Variants in ADCY5 observed in about 807,000 individuals in gnomAD.
ADCY5 encodes the protein adenylate cyclase type 5.
A neutral mutation model predicts 119.7 loss-of-function variants in ADCY5; 30 were observed. The ratio of observed to expected loss-of-function variants is 0.25; its 90% CI spans 0.19 to 0.34. The LOEUF is 0.34. Among genes scored for constraint, ADCY5 ranks in the 10% least tolerant of loss-of-function variants. The pLI, the probability that ADCY5 is intolerant of heterozygous loss-of-function variation, is 1.00. For synonymous variants in ADCY5, 753 were observed against 762.2 expected (o/e 0.99, Z 0.20); for missense variants, 1,324 against 1,775.2 (o/e 0.75, Z 4.57).
Position 123,303,184 on chromosome 3 carries a change from C to G in ADCY5, c.2595G>C (p.Leu865Phe). ...TCNSRDLLGC[L>F]AQEHNISASQ... ...TCGCGCTGATGTTGTGCTCCTGTGC[C>G]AAGCAGCCCAGCAGGTCCCTGGAGT... is the stretch of plus-strand genomic sequence containing the variant. Residue 865 changes from leucine to phenylalanine, a missense_variant, in exon 14 of 21, where the codon TTG becomes TTC. Leu to Phe is a conservative substitution (Grantham distance 22). Transcript: ENST00000462833. The G allele has an allele frequency of 6.2e-7, 1 of 1,613,822 alleles. No homozygotes were observed. Among genetic ancestry groups the G allele is most frequent in the Non-Finnish European group, 8.5e-7 (1 of 1,180,008 alleles).
chr3:123,447,319 T>C (rs1945836563), intron 1 of ADCY5, 93 bp downstream of exon 1: 3 of 1,322,170 alleles, frequency 2.3e-6, no homozygotes, highest in East Asian at 2.6e-5. Context: ...CTTTTCACCA[T>C]TCGAAAGGGT....
rs570817871 is a variant in ADCY5, at chr3:123,368,575, C to T, written c.1135-15994G>A. Among the ~76,000 whole-genome samples, 89 of 152,112 alleles carry T rather than the reference C, an allele frequency of 5.9e-4. 1 individual carries two copies. Among genetic ancestry groups the T allele is most frequent in the East Asian group, 2.5e-3 (13 of 5,174 alleles). On this transcript the variant is annotated intron_variant, in intron 1 of 20. Transcript: ENST00000462833. Reference sequence around the variant, plus strand: ...TGGCACCACTGCACTCCAGGCTGGGCGACAGATCGAGACTGTCTCAAAAAA... The same window carrying T: ...TGGCACCACTGCACTCCAGGCTGGGTGACAGATCGAGACTGTCTCAAAAAA...
At position 123,447,402 on chromosome 3, in the gene ADCY5, C is replaced by G; in HGVS notation, c.1134+10G>C. ...CGCAATCCAGTCCCGGTGGCCAGGT[C>G]GGCCCCTACCTGCTTCAGCAGGAAC... On this transcript the variant is annotated intron_variant, in intron 1 of 20. Transcript: ENST00000462833. 6.5e-7 allele frequency: 1 copy of G among 1,543,068 alleles called. No homozygotes were observed. Among genetic ancestry groups the G allele is most frequent in the Non-Finnish European group, 8.8e-7 (1 of 1,142,284 alleles).
At chr3:123,335,955 G>A (rs1267236801) in intron 3 of ADCY5, among the ~76,000 whole-genome samples, 1 of 152,244 alleles carries the variant, frequency 6.6e-6, no homozygotes, top group Non-Finnish European at 1.5e-5. Flanking sequence ...ATGAGAGGGA[G>A]AGAAGAAAAG....
chr3:123,416,207 C>T (rs932504296), intron 1 of ADCY5: 2 of 1,536,008 alleles, frequency 1.3e-6, no homozygotes, highest in African/African-American at 1.4e-5. Context: ...CATTCTCCTC[C>T]AGGACCTGTC....
chr3:123,377,757 C>A (rs1047190730), intron 1 of ADCY5, among the ~76,000 whole-genome samples: 1 of 152,044 alleles, frequency 6.6e-6, no homozygotes, highest in African/African-American at 2.4e-5. Flanking sequence ...TGGTGAAACC[C>A]TGTCTCTACT....
intron 1 of ADCY5, among the ~76,000 whole-genome samples, chr3:123,417,955 G>A (rs1483025571): frequency 6.6e-6 from 1 of 152,200 alleles, no homozygotes; most frequent in Non-Finnish European, 1.5e-5. Flanking sequence ...GCGAGACTCT[G>A]GACCAGCCAT....
At chr3:123,302,756 G>A (rs1470601609) in intron 14 of ADCY5, among the ~76,000 whole-genome samples, 1 of 152,210 alleles carries the variant, frequency 6.6e-6, no homozygotes, top group Non-Finnish European at 1.5e-5. Flanking sequence ...CTATGTCATA[G>A]GCTGTTGGGA....
chr3:123,330,771 C>T, intron 5 of ADCY5, 118 bp downstream of exon 5: 1 of 1,364,574 alleles, frequency 7.3e-7, no homozygotes, highest in African/African-American at 1.5e-5. Context: ...CACCTTTTGG[C>T]AGACAGTTTC....
chr3:123,365,247 G>A (rs576058692), intron 1 of ADCY5, among the ~76,000 whole-genome samples: 9 of 152,306 alleles, frequency 5.9e-5, no homozygotes, highest in African/African-American at 9.6e-5. Flanking sequence ...GTAAGCCACC[G>A]CGCCCAGCCT....
rs186120893 is a variant in ADCY5, at chr3:123,299,070, T to C, written c.2900+1050A>G. ...CTCAAATTGCTGATGTACTGATTAA[T>C]GCATAATCTATTGACATGAAAAAAT... On this transcript the variant is annotated intron_variant, in intron 15 of 20. Coordinates refer to ENST00000462833, the MANE Select transcript of ADCY5 (RefSeq NM_183357.3). Among the ~76,000 whole-genome samples, 581 of 152,328 alleles carry C rather than the reference T, an allele frequency of 3.8e-3. 3 individuals are homozygous for C. Among genetic ancestry groups the C allele is most frequent in the Non-Finnish European group, 6.8e-3 (465 of 68,028 alleles).
At chr3:123,426,643 C>T (rs1459031600) in intron 1 of ADCY5, among the ~76,000 whole-genome samples, 1 of 152,126 alleles carries the variant, frequency 6.6e-6, no homozygotes, top group Non-Finnish European at 1.5e-5. Context: ...AGCTGACATT[C>T]TAAAGAGGTT....
chr3:123,308,329 A>G (rs564592803), intron 12 of ADCY5, among the ~76,000 whole-genome samples: 64 of 150,954 alleles, frequency 4.2e-4, no homozygotes, highest in East Asian at 2.2e-3. Context: ...GAGCCACTGC[A>G]CCCGGCCACA....
chr3:123,382,356 AT>A (rs1228064064), intron 1 of ADCY5, among the ~76,000 whole-genome samples: 1 of 131,056 alleles, frequency 7.6e-6, no homozygotes, highest in Non-Finnish European at 1.6e-5. Flanking sequence ...GGAAAACAGT[AT>A]GGTGGTTTCT....
chr3:123,388,189 T>G (rs1432656949), intron 1 of ADCY5, among the ~76,000 whole-genome samples: 1 of 151,974 alleles, frequency 6.6e-6, no homozygotes, highest in Non-Finnish European at 1.5e-5. Flanking sequence ...CAGAGCTAAG[T>G]AAAAGGCTGC....
At chr3:123,389,427 C>T (rs7650902) in intron 1 of ADCY5, among the ~76,000 whole-genome samples, 72,646 of 151,952 alleles carry the variant, frequency 0.48, 19,388 homozygotes, top group Non-Finnish European at 0.62. Flanking sequence ...ACCACTCTCC[C>T]TGCCTCAATC....
intron 1 of ADCY5, among the ~76,000 whole-genome samples, chr3:123,415,423 C>T (rs770881946): frequency 1.2e-4 from 18 of 152,318 alleles, no homozygotes; most frequent in Non-Finnish European, 2.6e-4. Context: ...TCACTTCTCA[C>T]CAGAGCCCTG....
chr3:123,332,813 G>T, intron 3 of ADCY5, 138 bp from the exon 4 acceptor site: 1 of 618,152 alleles, frequency 1.6e-6, no homozygotes. Context: ...GGAGTGCAGT[G>T]GTGTGATCAA....
intron 1 of ADCY5, among the ~76,000 whole-genome samples, chr3:123,383,962 G>GTGCA (rs1944126846): frequency 1.0e-5 from 1 of 96,282 alleles, no homozygotes; most frequent in South Asian, 4.5e-4. Flanking sequence ...AGGCACGTGC[G>GTGCA]CGCGCGCACA....
Sources: allele counts gnomAD v4.1 joint callset (sites outside exome capture counted in the v4.1 genomes callset), GRCh38; gene constraint gnomAD v4.1.1; transcripts MANE v1.5; gene names NCBI Gene and HGNC (gene_info 2026-07-23, HGNC 2026-07-21).